Variants in ZBTB8A observed in about 807,000 individuals in gnomAD.
The protein encoded by ZBTB8A is zinc finger and BTB domain containing 8A.
In ZBTB8A, 19 loss-of-function variants were observed where a neutral mutation model predicts 37.8. The observed-to-expected ratio is 0.50, with a 90% CI of 0.35 to 0.74. The LOEUF (loss-of-function observed/expected upper bound fraction) is 0.74, where lower values mean the gene tolerates loss of function less well. Ranked by LOEUF, ZBTB8A falls within the 30% of genes least tolerant of loss-of-function variation. ZBTB8A has a pLI of 0.01. For missense variants in ZBTB8A, 394 were observed against 537.8 expected (o/e 0.73, Z 2.65); for synonymous variants, 181 against 185.2 (o/e 0.98, Z 0.19).
At position 32,566,476 on chromosome 1, in the gene ZBTB8A, G is replaced by GA. The variant is rs1644280340; in HGVS notation, c.-2+12937dup. On this transcript the variant is annotated intron_variant, in intron 2 of 4. Coordinates refer to ENST00000373510, the MANE Select transcript of ZBTB8A (RefSeq NM_001040441.3). Reference sequence around the variant, plus strand: ...GGAAGTCAAGACTGCAATGAGCCGTGATAGTGCCACTGCACTCCAGCTTGG... The same window carrying GA: ...GGAAGTCAAGACTGCAATGAGCCGTGAATAGTGCCACTGCACTCCAGCTTGG... 5.9e-5 allele frequency among the ~76,000 whole-genome samples: 9 copies of GA among 152,050 alleles called. No individual in the cohort carries two copies. In the South Asian group the frequency reaches 1.9e-3, roughly 32 times the overall value.
chr1:32,568,393 CT>C (rs530222719), intron 2 of ZBTB8A, among the ~76,000 whole-genome samples: 49 of 144,844 alleles, frequency 3.4e-4, no homozygotes, highest in African/African-American at 2.5e-4. Context: ...TCTGCCTATT[CT>C]TTTTTTTTTT....
intron 2 of ZBTB8A, among the ~76,000 whole-genome samples, chr1:32,589,993 C>A (rs1001716966): frequency 2.6e-5 from 4 of 152,142 alleles, no homozygotes; most frequent in African/African-American, 9.7e-5. Context: ...CAGAGACCCA[C>A]CCTTCCTGAG....
intron 1 of ZBTB8A, among the ~76,000 whole-genome samples, chr1:32,542,494 A>G (rs1354235337): frequency 6.6e-6 from 1 of 152,178 alleles, no homozygotes; most frequent in African/African-American, 2.4e-5. Flanking sequence ...GAATCACTTG[A>G]ACCTGGGAGG....
chr1:32,565,780 T>A (rs193061825), intron 2 of ZBTB8A, among the ~76,000 whole-genome samples: 1 of 152,316 alleles, frequency 6.6e-6, no homozygotes, highest in East Asian at 1.9e-4. Flanking sequence ...AAATACTGAC[T>A]GAGCATCTGT....
chr1:32,592,378 CA>C, intron 2 of ZBTB8A, among the ~76,000 whole-genome samples: 1 of 146,196 alleles, frequency 6.8e-6, no homozygotes, highest in South Asian at 2.2e-4. Flanking sequence ...CTATTAAAAA[CA>C]AAAAAACAAA....
chr1:32,559,236 C>G (rs570173923), intron 2 of ZBTB8A, among the ~76,000 whole-genome samples: 53 of 152,076 alleles, frequency 3.5e-4, no homozygotes, highest in African/African-American at 1.1e-3. Context: ...CTCAGCCTCC[C>G]TAGTAGCTGG....
chr1:32,580,528 G>A (rs1038328472), intron 2 of ZBTB8A, among the ~76,000 whole-genome samples: 5 of 151,662 alleles, frequency 3.3e-5, no homozygotes, highest in African/African-American at 4.8e-5. Flanking sequence ...TCCAGGCTGG[G>A]CAACAGAGTA....
At chr1:32,545,639 A>G (rs1265065106) in intron 1 of ZBTB8A, among the ~76,000 whole-genome samples, 1 of 152,164 alleles carries the variant, frequency 6.6e-6, no homozygotes, top group African/African-American at 2.4e-5. Context: ...TTCTAGTTTC[A>G]TCTTCTGCCA....
chr1:32,576,845 G>A (rs537961976), intron 2 of ZBTB8A, among the ~76,000 whole-genome samples: 6 of 150,902 alleles, frequency 4.0e-5, no homozygotes, highest in South Asian at 2.1e-4. Flanking sequence ...GATTACAGGC[G>A]TGAGCCACCA....
chr1:32,592,857 A>T, intron 2 of ZBTB8A, 74 bp from the exon 3 acceptor site: 1 of 1,277,402 alleles, frequency 7.8e-7, no homozygotes, highest in Non-Finnish European at 1.1e-6. Flanking sequence ...CCACAGAGCA[A>T]GATCCTGTCT....
chr1:32,555,806 C>T (rs1330715317), intron 2 of ZBTB8A, among the ~76,000 whole-genome samples: 1 of 152,130 alleles, frequency 6.6e-6, no homozygotes, highest in African/African-American at 2.4e-5. Context: ...CTCTGAAATC[C>T]AACATACATA....
chr1:32,588,800 A>G (rs1311657937), intron 2 of ZBTB8A, among the ~76,000 whole-genome samples: 3 of 152,054 alleles, frequency 2.0e-5, no homozygotes, highest in South Asian at 4.1e-4. Flanking sequence ...CCTGGCCAAC[A>G]TGGTGAAACC....
At chr1:32,549,780 C>A (rs1008260433) in intron 1 of ZBTB8A, among the ~76,000 whole-genome samples, 9 of 152,168 alleles carry the variant, frequency 5.9e-5, no homozygotes, top group Admixed American at 4.6e-4. Context: ...CCCTGAACTT[C>A]CCCTGAACTC....
chr1:32,580,685 A>G (rs1185319373), intron 2 of ZBTB8A, among the ~76,000 whole-genome samples: 1 of 152,096 alleles, frequency 6.6e-6, no homozygotes, highest in Non-Finnish European at 1.5e-5. Context: ...TAACAACTGG[A>G]CTTCTAGGAA....
At chr1:32,551,148 A>T (rs1644152349) in intron 1 of ZBTB8A, among the ~76,000 whole-genome samples, 1 of 152,184 alleles carries the variant, frequency 6.6e-6, no homozygotes, top group African/African-American at 2.4e-5. Flanking sequence ...GTTGTTCTCA[A>T]AAATTATTAA....
intron 2 of ZBTB8A, among the ~76,000 whole-genome samples, chr1:32,565,495 T>A (rs932657035): frequency 6.6e-6 from 1 of 151,488 alleles, no homozygotes; most frequent in Non-Finnish European, 1.5e-5. Context: ...CTCTACAAAA[T>A]AATTAAAAAA....
At chr1:32,568,827 T>C (rs1426784808) in intron 2 of ZBTB8A, among the ~76,000 whole-genome samples, 1 of 152,324 alleles carries the variant, frequency 6.6e-6, no homozygotes, top group South Asian at 2.1e-4. Context: ...TATTGTTCAG[T>C]AGTGTTCCAT....
chr1:32,576,458 C>T (rs771145990), intron 2 of ZBTB8A, among the ~76,000 whole-genome samples: 17 of 151,900 alleles, frequency 1.1e-4, no homozygotes, highest in African/African-American at 3.9e-4. Flanking sequence ...GAGACAGTTT[C>T]GTTCTTGTTG....
intron 2 of ZBTB8A, among the ~76,000 whole-genome samples, chr1:32,582,265 A>G (rs1472766177): frequency 6.6e-6 from 1 of 152,112 alleles, no homozygotes; most frequent in African/African-American, 2.4e-5. Context: ...CCAATTAGGG[A>G]TGCTGAACCT....
Sources: gnomAD v4.1 joint callset for allele counts (sites outside exome capture counted in the v4.1 genomes callset) on GRCh38, gnomAD v4.1.1 for gene constraint, MANE v1.5 for transcripts, NCBI Gene and HGNC (gene_info 2026-07-23, HGNC 2026-07-21) for gene names.